The following TMEM175 variants were observed in gnomAD, a reference collection of about 807,000 sequenced individuals.
TMEM175 encodes endosomal/lysosomal proton channel TMEM175.
Under a neutral mutation model 36.5 loss-of-function variants are expected in TMEM175, and 36 were observed. That is an observed-to-expected ratio of 0.99 (90% CI 0.76 to 1.30). The LOEUF (loss-of-function observed/expected upper bound fraction) is 1.30, where lower values mean the gene tolerates loss of function less well. Ranked by LOEUF, TMEM175 falls within the 50% of genes most tolerant of loss-of-function variation. The pLI is 0.00. For synonymous variants in TMEM175, 339 were observed against 313.4 expected (o/e 1.08, Z -0.86); for missense variants, 705 against 692.8 (o/e 1.02, Z -0.20).
chr4:948,375 G>T, intron 3 of TMEM175: 2 of 1,532,430 alleles, frequency 1.3e-6, no homozygotes, highest in Non-Finnish European at 8.7e-7. Flanking sequence ...GGGAGGGTGG[G>T]AGACTGGGCT....
chr4:953,413 T>A, intron 8 of TMEM175, 59 bp downstream of exon 8: 1 of 1,530,354 alleles, frequency 6.5e-7, no homozygotes, highest in Non-Finnish European at 8.8e-7. Flanking sequence ...ATAGGAGCAA[T>A]GTCCCCGCTG....
intron 8 of TMEM175, among the ~76,000 whole-genome samples, chr4:953,726 C>T (rs900252162): frequency 9.2e-5 from 14 of 152,242 alleles, no homozygotes; most frequent in Non-Finnish European, 2.1e-4. Context: ...CGCTGTGTCA[C>T]CCAGGCCGGA....
chr4:945,466 C>G (rs1728030024), intron 1 of TMEM175, among the ~76,000 whole-genome samples: 1 of 152,196 alleles, frequency 6.6e-6, no homozygotes. Flanking sequence ...TCACGCCCAC[C>G]ACCCTGGCTG....
Position 953,419 on chromosome 4 carries a change from C to G in TMEM175, c.627+65C>G. On this transcript the variant is annotated intron_variant, in intron 8 of 10. Coordinates refer to ENST00000264771, the MANE Select transcript of TMEM175 (RefSeq NM_032326.4). ...GGGGCCACCATAGGAGCAATGTCCC[C>G]GCTGAGCAACAAACACGGGGGTGGG... The G allele has an allele frequency of 2.0e-6, 3 of 1,519,554 alleles. 1 individual carries two copies. The South Asian group carries it at 3.8e-5, about 19-fold the overall frequency. The allele number at this position is 1,519,554 out of a possible 1,614,324, so 94.1% of individuals were successfully genotyped here. A position where few individuals can be genotyped will look rare whatever the true frequency, so the allele number is the denominator to read the frequency against.
intron 10 of TMEM175, chr4:956,502 G>C: frequency 2.4e-6 from 3 of 1,255,314 alleles, no homozygotes; most frequent in Non-Finnish European, 3.1e-6. Flanking sequence ...GAGTATAGTG[G>C]CTCAAGCTCA....
At chr4:948,071 G>T in intron 2 of TMEM175, 45 bp from the exon 3 acceptor site, 1 of 1,614,026 alleles carries the variant, frequency 6.2e-7, no homozygotes, top group Non-Finnish European at 8.5e-7. Flanking sequence ...AATCCAACAA[G>T]CGTCTCTTGC....
At chr4:954,593 C>T (rs1729384784) in intron 8 of TMEM175, among the ~76,000 whole-genome samples, 1 of 152,198 alleles carries the variant, frequency 6.6e-6, no homozygotes, top group Non-Finnish European at 1.5e-5. Flanking sequence ...TGATGCCTCT[C>T]TGAGCATTGC....
At position 947,755 on chromosome 4, in the gene TMEM175, A is replaced by G. The variant is rs1366893094; in HGVS notation, c.16A>G (p.Thr6Ala). ...CGGCCCCGCCATGTCCCAGCCCCGGACCCCAGAGCAGGCACTGGATACACC... is the reference window on the plus strand; with the variant it reads ...CGGCCCCGCCATGTCCCAGCCCCGGGCCCCAGAGCAGGCACTGGATACACC... MSQPR[T>A]PEQALDTPGD... Residue 6 changes from threonine (T) to alanine (A), a missense_variant, in exon 2 of 11, where the codon ACC (threonine) becomes GCC (alanine). Thr to Ala is a moderately conservative substitution (Grantham distance 58). Coordinates refer to ENST00000264771, the MANE Select transcript of TMEM175 (RefSeq NM_032326.4). The G allele has an allele frequency of 1.2e-6, 2 of 1,608,872 alleles. No individual in the cohort carries two copies. The highest frequency in any genetic ancestry group is 1.7e-5 in the Admixed American group (1 of 59,760).
intron 3 of TMEM175, chr4:948,564 GC>G: frequency 1.5e-6 from 2 of 1,329,830 alleles, no homozygotes; most frequent in Non-Finnish European, 2.0e-6. Flanking sequence ...CGCGGCCAGC[GC>G]CCCGTCTCAG....
intron 10 of TMEM175, chr4:956,781 C>T (rs756998259): frequency 2.4e-4 from 75 of 315,800 alleles, no homozygotes; most frequent in Non-Finnish European, 4.2e-4. Flanking sequence ...CATCTTCCAT[C>T]CTTTTGGAGT....
chr4:950,587 G>T, intron 4 of TMEM175, 69 bp downstream of exon 4: 1 of 1,196,296 alleles, frequency 8.4e-7, no homozygotes, highest in Admixed American at 1.7e-5. Context: ...ACCACATCAC[G>T]CACGGGTCCA....
intron 10 of TMEM175, chr4:956,922 A>C: frequency 6.2e-6 from 1 of 160,870 alleles, no homozygotes; most frequent in Admixed American, 6.3e-5. Flanking sequence ...TGCATTTTTA[A>C]AAACGGGAAG....
In TMEM175 at chr4:955,422, G is replaced by T. The variant is rs1729478675; in HGVS notation, c.645G>T (p.Val215=). Residue 215 remains valine (V), a synonymous_variant, in exon 9 of 11, where the codon GTG becomes GTT. Coordinates refer to ENST00000264771, the MANE Select transcript of TMEM175 (RefSeq NM_032326.4). ...CCCTGCAGTCTTACCTGCTGATGGTGACTGTCATCCTCCTCCCCTATGTCA... is the reference window on the plus strand; with the variant it reads ...CCCTGCAGTCTTACCTGCTGATGGTTACTGTCATCCTCCTCCCCTATGTCA... ...FFVPLSYLLM[V]TVILLPYVSK... 1 of 1,614,122 alleles carries T rather than the reference G, an allele frequency of 6.2e-7. No homozygotes were observed. Among genetic ancestry groups the T allele is most frequent in the South Asian group, 1.1e-5 (1 of 91,048 alleles).
At chr4:946,710 C>T (rs1208056913) in intron 1 of TMEM175, among the ~76,000 whole-genome samples, 2 of 152,166 alleles carry the variant, frequency 1.3e-5, no homozygotes, top group African/African-American at 4.8e-5. Flanking sequence ...ACAGCTGTGG[C>T]GTGTGCCCAG....
chr4:955,585 C>T (rs1453735853), intron 9 of TMEM175, 102 bp downstream of exon 9: 12 of 1,442,926 alleles, frequency 8.3e-6, no homozygotes, highest in Middle Eastern at 2.2e-4. Context: ...GGCCCGTGTG[C>T]GTGGTGGTGG....
chr4:950,636 C>T, intron 4 of TMEM175, 118 bp downstream of exon 4: 1 of 771,320 alleles, frequency 1.3e-6, no homozygotes, highest in South Asian at 1.6e-5. Flanking sequence ...CTCCCACCCT[C>T]ATCCGCGTGG....
intron 1 of TMEM175, among the ~76,000 whole-genome samples, chr4:934,533 G>A (rs746464730): frequency 5.9e-5 from 9 of 152,318 alleles, no homozygotes; most frequent in African/African-American, 1.2e-4. Flanking sequence ...ACATATTACC[G>A]TAGAGGGATG....
chr4:934,186 A>G (rs1016917326), intron 1 of TMEM175, among the ~76,000 whole-genome samples: 3 of 152,252 alleles, frequency 2.0e-5, no homozygotes, highest in African/African-American at 7.2e-5. Flanking sequence ...CTAGAGACAG[A>G]TATCTGGGCA....
At chr4:950,188 G>C (rs1275980531) in intron 3 of TMEM175, among the ~76,000 whole-genome samples, 1 of 152,056 alleles carries the variant, frequency 6.6e-6, no homozygotes, top group Non-Finnish European at 1.5e-5. Flanking sequence ...TGGAGGGGTG[G>C]GGGCTGCAGG....
Sources: gnomAD v4.1 joint callset for allele counts (sites outside exome capture counted in the v4.1 genomes callset) on GRCh38, gnomAD v4.1.1 for gene constraint, MANE v1.5 for transcripts, NCBI Gene and HGNC (gene_info 2026-07-23, HGNC 2026-07-21) for gene names.